SLFN11: variants seen among roughly 807,000 people sequenced by gnomAD.
SLFN11 encodes the protein schlafen family member 11.
SLFN11 carries 43 observed loss-of-function variants against 53.4 expected under a neutral mutation model. That is an observed-to-expected ratio of 0.80 (90% CI 0.63 to 1.04). SLFN11 has a LOEUF of 1.04. Ranked by LOEUF, SLFN11 falls within the 50% of genes least tolerant of loss-of-function variation. The probability of loss-of-function intolerance (pLI) is 0.00; values close to 1 mark genes in which losing one functional copy is unlikely to be tolerated. For missense variants in SLFN11, 990 were observed against 1,079.1 expected, an observed-to-expected ratio of 0.92 and a Z score of 1.16; for synonymous variants, 389 against 394.7, an observed-to-expected ratio of 0.99 and a Z score of 0.17.
intron 5 of SLFN11, among the ~76,000 whole-genome samples, chr17:35,357,791 CAT>C (rs1907706775): frequency 4.4e-5 from 6 of 135,958 alleles, no homozygotes; most frequent in Non-Finnish European, 1.6e-5. Flanking sequence ...AAATAATAAA[CAT>C]AAAAATATAA....
intron 5 of SLFN11, among the ~76,000 whole-genome samples, chr17:35,358,245 C>T (rs980906306): frequency 6.6e-6 from 1 of 151,200 alleles, no homozygotes; most frequent in Non-Finnish European, 1.5e-5. Flanking sequence ...ATTAAAGATA[C>T]TGAATTCTGC....
chr17:35,352,322 G>A lies in SLFN11; in HGVS notation c.*34C>T, dbSNP rs1906778629. 5 of 1,606,466 alleles carry A rather than the reference G, an allele frequency of 3.1e-6. No individual in the cohort carries two copies. Among genetic ancestry groups the A allele is most frequent in the Non-Finnish European group, 4.3e-6 (5 of 1,174,432 alleles). On this transcript the variant is annotated 3_prime_UTR_variant, in exon 7 of 7. Transcript: ENST00000685675. Reference sequence around the variant, plus strand: ...TACCATCAGCAGACTGTCACCCATAGACATTTACATAGCATTTTGATTTGG... The same window carrying A: ...TACCATCAGCAGACTGTCACCCATAAACATTTACATAGCATTTTGATTTGG...
In SLFN11 at chr17:35,363,150, T is replaced by C; in HGVS notation, c.658A>G (p.Thr220Ala). 1 of 1,614,014 alleles carries C rather than the reference T, an allele frequency of 6.2e-7. No homozygotes were observed. Among genetic ancestry groups the C allele is most frequent in the Non-Finnish European group, 8.5e-7 (1 of 1,179,976 alleles). Residue 220 changes from threonine to alanine, a missense_variant, in exon 4 of 7, where the codon ACA becomes GCA. This residue lies in a region of SLFN11 where 521 missense variants were observed against 516.2 expected (regional missense o/e 1.01). Transcript: ENST00000685675. ...TTTACATATTCTTGGAAGTGTTTTG[T>C]AGAGAACTGTTTAAACTCTACTAAC... ...SQLVEFKQFS[T>A]KHFQEYVKRT...
chr17:35,359,868 T>TTG (rs1404402496), intron 5 of SLFN11, among the ~76,000 whole-genome samples: 5 of 152,086 alleles, frequency 3.3e-5, no homozygotes, highest in Non-Finnish European at 2.9e-5. Flanking sequence ...TGAGGGTAGT[T>TTG]TGAGAAAAGT....
At chr17:35,362,097 T>C (rs1908296402) in intron 4 of SLFN11, among the ~76,000 whole-genome samples, 1 of 152,048 alleles carries the variant, frequency 6.6e-6, no homozygotes, top group African/African-American at 2.4e-5. Context: ...ACAGATCTAG[T>C]TGAGAAGAGA....
chr17:35,352,856 G>C lies in SLFN11; in HGVS notation c.2206C>G (p.Pro736Ala). Residue 736 changes from proline (P) to alanine (A), a missense_variant, in exon 7 of 7, where the codon CCA (proline) becomes GCA (alanine). Coordinates refer to ENST00000685675, the MANE Select transcript of SLFN11 (RefSeq NM_001376007.1). ...TCTTTTTGTAAGTACTTGGCTATTG[G>C]ATCTGCATTGCGAACTATTCTGGTG... ...ELTRIVRNADPIAKYLQKEMQ... is the reference protein window; with the variant it reads ...ELTRIVRNADAIAKYLQKEMQ... 6.2e-7 allele frequency: 1 copy of C among 1,614,158 alleles called. No homozygotes were observed. The highest frequency in any genetic ancestry group is 8.5e-7 in the Non-Finnish European group (1 of 1,180,032).
rs1354725744 is a variant in SLFN11, at chr17:35,363,415, T to C, written c.393A>G (p.Ser131=). 3 of 1,613,490 alleles carry C rather than the reference T, an allele frequency of 1.9e-6. No individual in the cohort carries two copies. The highest frequency in any genetic ancestry group is 1.3e-5 in the African/African-American group (1 of 74,900). The part of the protein sequence containing the change: ...VKPRLCSLSS[S]LYRRSETSVR... ...CAGAGGTCTCAGATCTACGGTATAATGAAGAACTGAGGCTGCAAAGGCGGG... is the reference window on the plus strand; with the variant it reads ...CAGAGGTCTCAGATCTACGGTATAACGAAGAACTGAGGCTGCAAAGGCGGG... Residue 131 remains serine (S), a synonymous_variant, in exon 4 of 7, where the codon TCA becomes TCG. Coordinates refer to ENST00000685675, the MANE Select transcript of SLFN11 (RefSeq NM_001376007.1).
rs1349064657 is a variant in SLFN11 at position 35,362,943 on chromosome 17, G to A, written c.865C>T (p.Pro289Ser). The change falls in exon 4 of 7, where the codon CCC becomes TCC. Residue 289 changes from proline (P) to serine (S), a missense_variant. This residue lies in a region of SLFN11 where 521 missense variants were observed against 516.2 expected (regional missense o/e 1.01). Coordinates refer to ENST00000685675, the MANE Select transcript of SLFN11 (RefSeq NM_001376007.1). The part of the protein sequence containing the change: ...YKLPCVHFCQ[P>S]QRPITFTLKI... ...AGTGTGAAGGTTATCGGGCGTTGGG[G>A]TTGGCAAAAATGAACACAAGGTAGT... 1 of 1,613,492 alleles carries A rather than the reference G, an allele frequency of 6.2e-7. No homozygotes were observed. Among genetic ancestry groups the A allele is most frequent in the East Asian group, 2.2e-5 (1 of 44,882 alleles).
rs139905471 is a variant in SLFN11, at chr17:35,361,082, G to A, written c.1070-711C>T. Among the ~76,000 whole-genome samples the A allele has an allele frequency of 3.6e-3, 541 of 152,182 alleles. 3 individuals are homozygous for A. Among genetic ancestry groups the A allele is most frequent in the Non-Finnish European group, 4.9e-3 (332 of 67,998 alleles). On this transcript the variant is annotated intron_variant, in intron 4 of 6. Coordinates refer to ENST00000685675, the MANE Select transcript of SLFN11 (RefSeq NM_001376007.1). ...CAGCTTTATAATATCTCCTTTCCAAGTACACATCCACTTTACTCAGAAGAT... is the reference window on the plus strand; with the variant it reads ...CAGCTTTATAATATCTCCTTTCCAAATACACATCCACTTTACTCAGAAGAT...
At position 35,352,587 on chromosome 17, in the gene SLFN11, C is replaced by T. The variant is rs1327686214; in HGVS notation, c.2475G>A (p.Glu825=). Reference sequence around the variant, plus strand: ...TTTTCTTCCTCATTGCTTTCAAGAGCTCATACTTATAGTGCTCCACTTCTT... The same window carrying T: ...TTTTCTTCCTCATTGCTTTCAAGAGTTCATACTTATAGTGCTCCACTTCTT... ...TAKEVEHYKY[E]LLKAMRKKRV... is the part of the protein sequence containing the mutation. The change falls in exon 7 of 7, where the codon GAG becomes GAA. Residue 825 remains glutamate (E), a synonymous_variant. Transcript: ENST00000685675. 1.2e-6 allele frequency: 2 copies of T among 1,614,080 alleles called. No individual in the cohort carries two copies. Among genetic ancestry groups the T allele is most frequent in the African/African-American group, 2.7e-5 (2 of 74,922 alleles).
rs866283600 is a variant in SLFN11, at chr17:35,363,308, T to C, written c.500A>G (p.His167Arg). The C allele has an allele frequency of 2.5e-6, 4 of 1,613,960 alleles. No individual in the cohort carries two copies. The highest frequency in any genetic ancestry group is 2.7e-5 in the African/African-American group (2 of 74,924). ...TTGGTATACACCCTTGTGAATTTTG[T>C]GAAAAGGTCCTTCTTCCAAGATTTT... ...KPKILEEGPFHKIHKGVYQEL... is the reference protein window; with the variant it reads ...KPKILEEGPFRKIHKGVYQEL... Residue 167 changes from histidine (H) to arginine (R), a missense_variant, in exon 4 of 7, where the codon CAC becomes CGC. By Grantham distance (29) the His-to-Arg change is conservative (BLOSUM62 0). Coordinates refer to ENST00000685675, the MANE Select transcript of SLFN11 (RefSeq NM_001376007.1).
chr17:35,358,534 A>C (rs1350133626), intron 5 of SLFN11, among the ~76,000 whole-genome samples: 1 of 151,602 alleles, frequency 6.6e-6, no homozygotes, highest in Non-Finnish European at 1.5e-5. Context: ...TTCTTGGTGG[A>C]CATATATATA....
intron 3 of SLFN11, among the ~76,000 whole-genome samples, chr17:35,364,643 A>C (rs962765356): frequency 2.0e-5 from 3 of 152,162 alleles, no homozygotes; most frequent in Non-Finnish European, 4.4e-5. Context: ...CTTGTCATTA[A>C]AAGTATTATA....
chr17:35,360,509 C>G lies in SLFN11; in HGVS notation c.1070-138G>C, dbSNP rs1908074370. 4 of 859,700 alleles carry G rather than the reference C, an allele frequency of 4.7e-6. No individual in the cohort carries two copies. In the South Asian group the frequency reaches 8.2e-5, roughly 18 times the overall value. The allele number at this position is 859,700 out of a possible 1,614,324, so 53.3% of individuals were successfully genotyped here. A position where few individuals can be genotyped will look rare whatever the true frequency, so the allele number is the denominator to read the frequency against. On this transcript the variant is annotated intron_variant, in intron 4 of 6. Coordinates refer to ENST00000685675, the MANE Select transcript of SLFN11 (RefSeq NM_001376007.1). ...ATCAAAATAACTCTCCTCTCACTCA[C>G]TTACTCTAGATAAGTGCCTTTATTG...
chr17:35,355,868 C>T (rs1207760639), intron 5 of SLFN11, among the ~76,000 whole-genome samples: 4 of 152,120 alleles, frequency 2.6e-5, no homozygotes, highest in Non-Finnish European at 2.9e-5. Flanking sequence ...TCACCCTCCC[C>T]AGAACTCCCA....
chr17:35,353,973 T>C lies in SLFN11; in HGVS notation c.1285A>G (p.Lys429Glu). The C allele has an allele frequency of 6.2e-7, 1 of 1,614,088 alleles. No homozygotes were observed. The change falls in exon 6 of 7, where the codon AAG becomes GAG. Residue 429 changes from lysine to glutamate, a missense_variant. By Grantham distance (56) the Lys-to-Glu change is moderately conservative. Transcript: ENST00000685675. ...CCCCGAAAGAAAGGTTGCATTTGCT[T>C]ATTTATTAACTCCTCTAGTCCTCTG... ...EHRGLEELIN[K>E]QMQPFFRGIL...
rs1428494576 is a variant in SLFN11, at chr17:35,353,622, G to C, written c.1636C>G (p.His546Asp). The C allele has an allele frequency of 1.8e-6, 2 of 1,133,368 alleles. No individual in the cohort carries two copies. The highest frequency in any genetic ancestry group is 3.6e-5 in the African/African-American group (2 of 56,242). The allele number at this position is 1,133,368 out of a possible 1,614,324, so 70.2% of individuals were successfully genotyped here. The change falls in exon 6 of 7, where the codon CAC becomes GAC. Residue 546 changes from histidine (H) to aspartate (D), a missense_variant. Around this residue, in one of 3 missense-constraint regions of SLFN11, gnomAD observed 156 missense variants for 241.9 expected, o/e 0.64. Transcript: ENST00000685675. ...PASYSLAGTQ[H>D]MEALLQSLVI... ...AGGGACTGCAGCAGGGCTTCCATGT[G>C]CTGGGTGCCTGCAAGGCTATAGGAC...
Position 35,353,319 on chromosome 17 carries a change from A to G in SLFN11, c.1922+17T>C. 1.2e-6 allele frequency: 2 copies of G among 1,613,964 alleles called. No homozygotes were observed. Among genetic ancestry groups the G allele is most frequent in the South Asian group, 2.2e-5 (2 of 91,032 alleles). ...CAGATTAAATAATACTTAGAGACGT[A>G]AGATCCAACTGCTTACCTGATAAAG... On this transcript the variant is annotated intron_variant, in intron 6 of 6. Coordinates refer to ENST00000685675, the MANE Select transcript of SLFN11 (RefSeq NM_001376007.1).
At position 35,363,215 on chromosome 17, in the gene SLFN11, T is replaced by C. The variant is rs759530032; in HGVS notation, c.593A>G (p.Tyr198Cys). ...DPADLIFQKD[Y>C]LEYGEILPFP... ...AGGCAGGATTTCACCATATTCAAGATAGTCTTTTTGGAAAATTAGGTCAGC... is the reference window on the plus strand; with the variant it reads ...AGGCAGGATTTCACCATATTCAAGACAGTCTTTTTGGAAAATTAGGTCAGC... The change falls in exon 4 of 7, where the codon TAT becomes TGT. Residue 198 changes from tyrosine to cysteine, a missense_variant. By Grantham distance (194) the Tyr-to-Cys change is radical. Around this residue, in one of 3 missense-constraint regions of SLFN11, gnomAD observed 521 missense variants for 516.2 expected, o/e 1.01. Coordinates refer to ENST00000685675, the MANE Select transcript of SLFN11 (RefSeq NM_001376007.1). 2.5e-5 allele frequency: 40 copies of C among 1,613,960 alleles called. No homozygotes were observed. Among genetic ancestry groups the C allele is most frequent in the Non-Finnish European group, 3.3e-5 (39 of 1,180,004 alleles).
Sources: allele counts gnomAD v4.1 joint callset (sites outside exome capture counted in the v4.1 genomes callset), GRCh38; gene constraint gnomAD v4.1.1; regional missense constraint gnomAD v4.1.1; transcripts MANE v1.5; gene names NCBI Gene and HGNC (gene_info 2026-07-23, HGNC 2026-07-21).